The following PUS10 variants were observed in gnomAD, a reference collection of about 807,000 sequenced individuals.
PUS10 encodes the protein tRNA pseudouridine synthase Pus10.
PUS10 carries 59 observed loss-of-function variants against 75.0 expected under a neutral mutation model. The observed-to-expected ratio is 0.79, with a 90% CI of 0.64 to 0.98. The LOEUF is 0.98. Among genes scored for constraint, PUS10 ranks in the 50% least tolerant of loss-of-function variants. The pLI, the probability that PUS10 is intolerant of heterozygous loss-of-function variation, is 0.00. For missense variants in PUS10, 650 were observed against 614.4 expected, an observed-to-expected ratio of 1.06 and a Z score of -0.61; for synonymous variants, 219 against 211.6, an observed-to-expected ratio of 1.03 and a Z score of -0.30.
At chr2:60,949,098 C>T (rs1675175835) in intron 15 of PUS10, among the ~76,000 whole-genome samples, 1 of 152,124 alleles carries the variant, frequency 6.6e-6, no homozygotes, top group African/African-American at 2.4e-5. Flanking sequence ...AAGGGTGTGA[C>T]TGCTTTTACC....
At chr2:60,947,567 C>G (rs772286821) in intron 16 of PUS10, among the ~76,000 whole-genome samples, 1 of 152,182 alleles carries the variant, frequency 6.6e-6, no homozygotes, top group Non-Finnish European at 1.5e-5. Flanking sequence ...CGGTGGCTCA[C>G]GCCTGTAATC....
chr2:60,994,555 A>C (rs1246647366), intron 4 of PUS10, among the ~76,000 whole-genome samples: 1 of 152,214 alleles, frequency 6.6e-6, no homozygotes, highest in Admixed American at 6.5e-5. Flanking sequence ...CTAAAATTGT[A>C]ATTTAAATTT....
chr2:61,008,921 T>G lies in PUS10; in HGVS notation c.221A>C (p.Gln74Pro), dbSNP rs766777518. The change falls in exon 3 of 18, where the codon CAA becomes CCA. Residue 74 changes from glutamine (Q) to proline (P), a missense_variant. Physicochemically the swap from Gln to Pro is moderately conservative, Grantham distance 76. Transcript: ENST00000316752. ...ATTATCAATACTATCTTCCAGTTCT[T>G]GCAGTCGAATTTTCTTGGGAGGTGG... The part of the protein sequence containing the change: ...MNPPPKKIRL[Q>P]ELEDSIDNLS... 6.2e-7 allele frequency: 1 copy of G among 1,613,920 alleles called. No homozygotes were observed.
At chr2:61,010,125 C>T (rs746967062) in intron 2 of PUS10, 12 of 152,074 alleles carry the variant, frequency 7.9e-5, no homozygotes, top group African/African-American at 2.4e-4. Context: ...AAGTTGATAA[C>T]ACTCAGTCTC....
At chr2:60,996,309 A>G (rs1678454560) in intron 4 of PUS10, among the ~76,000 whole-genome samples, 1 of 152,170 alleles carries the variant, frequency 6.6e-6, no homozygotes, top group African/African-American at 2.4e-5. Flanking sequence ...GGTTCTATAT[A>G]GACCTTGACT....
At chr2:60,956,163 A>G (rs1270593276) in intron 11 of PUS10, among the ~76,000 whole-genome samples, 3 of 152,286 alleles carry the variant, frequency 2.0e-5, no homozygotes, top group African/African-American at 7.2e-5. Flanking sequence ...GGCAGGATGT[A>G]GGAGTCTGTG....
chr2:60,954,478 C>G (rs538750738), intron 12 of PUS10, among the ~76,000 whole-genome samples: 4 of 152,332 alleles, frequency 2.6e-5, no homozygotes, highest in East Asian at 3.9e-4. Flanking sequence ...TTGTCACATG[C>G]AGCAATGCCC....
At chr2:60,966,379 A>C (rs1159521908) in intron 6 of PUS10, 2 of 152,210 alleles carry the variant, frequency 1.3e-5, no homozygotes, top group East Asian at 3.7e-4. Context: ...ATATTTACTG[A>C]GTTCATTGGA....
intron 15 of PUS10, 46 bp from the exon 16 acceptor site, chr2:60,948,231 CCCAGTGAAT>C: frequency 1.3e-6 from 2 of 1,590,484 alleles, no homozygotes; most frequent in South Asian, 2.2e-5. Flanking sequence ...AGCTTTGCCA[CCCAGTGAAT>C]CCTGTCTTAG....
chr2:60,942,529 C>G, intron 17 of PUS10, 96 bp from the exon 18 acceptor site: 1 of 941,012 alleles, frequency 1.1e-6, no homozygotes, highest in Non-Finnish European at 1.7e-6. Flanking sequence ...TAATATAGTG[C>G]AACAGAAGAA....
intron 4 of PUS10, among the ~76,000 whole-genome samples, chr2:60,979,730 G>C (rs1677265837): frequency 6.6e-6 from 1 of 152,208 alleles, no homozygotes; most frequent in South Asian, 2.1e-4. Flanking sequence ...AAAATGAAGT[G>C]AGACATAAGA....
intron 10 of PUS10, 61 bp from the exon 11 acceptor site, chr2:60,960,578 A>C (rs1480681189): frequency 4.7e-6 from 7 of 1,483,764 alleles, no homozygotes; most frequent in Admixed American, 2.6e-5. Context: ...GTAGGATAAA[A>C]AGAGAAGCAA....
intron 16 of PUS10, among the ~76,000 whole-genome samples, chr2:60,945,544 A>G (rs915801029): frequency 1.2e-4 from 19 of 152,336 alleles, no homozygotes; most frequent in Admixed American, 9.8e-4. Flanking sequence ...AGTGATCTCA[A>G]TGATGGCATT....
chr2:60,983,405 G>A (rs567707201), intron 4 of PUS10, among the ~76,000 whole-genome samples: 5 of 152,174 alleles, frequency 3.3e-5, no homozygotes, highest in Admixed American at 1.3e-4. Context: ...TAGGCTGGGC[G>A]CGGTGGCTCA....
chr2:61,003,398 G>A (rs1005959387), intron 4 of PUS10, among the ~76,000 whole-genome samples: 2 of 151,052 alleles, frequency 1.3e-5, no homozygotes, highest in African/African-American at 4.9e-5. Flanking sequence ...GGAGGCGGAG[G>A]CTGCAGTGAG....
At chr2:60,999,885 A>G (rs1042687474) in intron 4 of PUS10, among the ~76,000 whole-genome samples, 4 of 152,222 alleles carry the variant, frequency 2.6e-5, no homozygotes, top group South Asian at 2.1e-4. Flanking sequence ...ATAATGTAGC[A>G]TAACAACTAT....
chr2:60,967,507 C>T lies in PUS10; in HGVS notation c.610G>A (p.Gly204Arg), dbSNP rs566792214. 9 of 1,578,524 alleles carry T rather than the reference C, an allele frequency of 5.7e-6. No individual in the cohort carries two copies. The highest frequency in any genetic ancestry group is 6.1e-6 in the Non-Finnish European group (7 of 1,153,646). ...CAATGCTGTTGACCCAATACCTTTC[C>T]ATCAATGGGAACACCCAGTTCCTCT... is the stretch of plus-strand genomic sequence containing the variant. ...FSEELGVPID[G>R]KSLFEVSVVF... The change falls in exon 6 of 18, where the codon GGA (glycine) becomes AGA (arginine). Residue 204 changes from glycine (G) to arginine (R), a missense_variant. Physicochemically the swap from Gly to Arg is moderately radical, Grantham distance 125. Coordinates refer to ENST00000316752, the MANE Select transcript of PUS10 (RefSeq NM_144709.4).
At chr2:60,955,146 T>C in intron 11 of PUS10, 72 bp from the exon 12 acceptor site, 1 of 940,384 alleles carries the variant, frequency 1.1e-6, no homozygotes, top group Non-Finnish European at 1.6e-6. Flanking sequence ...CAACCTTTGC[T>C]AGAAACCCAA....
intron 17 of PUS10, chr2:60,944,275 G>C: frequency 4.1e-6 from 4 of 970,102 alleles, no homozygotes; most frequent in Non-Finnish European, 4.9e-6. Flanking sequence ...CAGAGCACTT[G>C]AGAGAATTGC....
Sources: allele counts gnomAD v4.1 joint callset (sites outside exome capture counted in the v4.1 genomes callset), GRCh38; gene constraint gnomAD v4.1.1; transcripts MANE v1.5; gene names NCBI Gene and HGNC (gene_info 2026-07-23, HGNC 2026-07-21).